The following DHRSX variants were observed in gnomAD, a reference collection of about 807,000 sequenced individuals.
DHRSX encodes dehydrogenase/reductase X-linked, also known as polyprenol dehydrogenase.
DHRSX carries 31 observed loss-of-function variants against 34.0 expected under a neutral mutation model. The observed-to-expected ratio is 0.91, with a 90% CI of 0.69 to 1.23. The LOEUF (loss-of-function observed/expected upper bound fraction) is 1.23. Ranked by LOEUF, DHRSX falls within the 50% of genes most tolerant of loss-of-function variation. The pLI is 0.00. For synonymous variants in DHRSX, 201 were observed against 183.8 expected, an observed-to-expected ratio of 1.09 and a Z score of -0.76; for missense variants, 414 against 428.1, an observed-to-expected ratio of 0.97 and a Z score of 0.29.
intron 3 of DHRSX, among the ~76,000 whole-genome samples, chrX:2,349,856 G>C (rs1251396253): frequency 6.7e-6 from 1 of 148,890 alleles, no homozygotes; most frequent in Non-Finnish European, 1.5e-5. Flanking sequence ...GGCTAACAGG[G>C]TGAAACCCCG....
At chrX:2,478,786 G>T in intron 1 of DHRSX, among the ~76,000 whole-genome samples, 1 of 151,592 alleles carries the variant, frequency 6.6e-6, no homozygotes, top group South Asian at 2.1e-4. Flanking sequence ...CACTGACGAC[G>T]TTCCCTTAGA....
At chrX:2,353,166 G>T (rs988822191) in intron 3 of DHRSX, among the ~76,000 whole-genome samples, 9 of 152,128 alleles carry the variant, frequency 5.9e-5, no homozygotes, top group Admixed American at 1.3e-4. Context: ...GATTGCTTGA[G>T]CCCGGAGGCA....
Position 2,408,768 on chromosome X carries a change from T to C in DHRSX, c.263A>G (p.Lys88Arg), listed in dbSNP as rs907192630. The change falls in exon 3 of 7, where the codon AAA becomes AGA. Residue 88 changes from lysine to arginine, a missense_variant. By Grantham distance (26) the Lys-to-Arg change is conservative. Transcript: ENST00000334651. ...ACCTTTGTCGTTCAAGGTTTCTTCT[T>C]TTATTTTGCTTACAACTTGTTTGGC... ...SKAKQVVSKI[K>R]EETLNDKVEF... 15 of 1,613,040 alleles carry C rather than the reference T, an allele frequency of 9.3e-6. No homozygotes were observed. Among genetic ancestry groups the C allele is most frequent in the Non-Finnish European group, 1.3e-5 (15 of 1,179,702 alleles).
intron 1 of DHRSX, among the ~76,000 whole-genome samples, chrX:2,431,975 G>T (rs1413957845): frequency 6.6e-6 from 1 of 152,046 alleles, no homozygotes; most frequent in Non-Finnish European, 1.5e-5. Context: ...GGTGGATCAC[G>T]AGGTCAGGAG....
At chrX:2,373,560 G>A (rs2043104840) in intron 3 of DHRSX, among the ~76,000 whole-genome samples, 1 of 152,090 alleles carries the variant, frequency 6.6e-6, no homozygotes, top group South Asian at 2.1e-4. Context: ...GGAAACCACG[G>A]CTGCTGCAAG....
intron 4 of DHRSX, among the ~76,000 whole-genome samples, chrX:2,286,740 T>C (rs1452584859): frequency 6.7e-6 from 1 of 150,232 alleles, no homozygotes; most frequent in Non-Finnish European, 1.5e-5. Flanking sequence ...TTCTCAACAG[T>C]GACCCCAGGG....
At chrX:2,372,239 A>G (rs2043081074) in intron 3 of DHRSX, among the ~76,000 whole-genome samples, 1 of 152,182 alleles carries the variant, frequency 6.6e-6, no homozygotes, top group Non-Finnish European at 1.5e-5. Context: ...TTTAATGGTG[A>G]ATCGGGTTGG....
rs1291645778 is a variant in DHRSX at position 2,221,014 on chromosome X, G to A, written c.*27C>T. On this transcript the variant is annotated 3_prime_UTR_variant, in exon 7 of 7. Coordinates refer to ENST00000334651, the MANE Select transcript of DHRSX (RefSeq NM_145177.3). ...ATTGGCAGGTGCAATGTGTTTCTTG[G>A]GGCAGCAGCTATCCTGAGACAGGAT... 2 of 1,608,408 alleles carry A rather than the reference G, an allele frequency of 1.2e-6. No homozygotes were observed. The highest frequency in any genetic ancestry group is 2.2e-5 in the South Asian group (2 of 90,286).
chrX:2,480,698 A>C (rs2044755569), intron 1 of DHRSX, among the ~76,000 whole-genome samples: 1 of 152,090 alleles, frequency 6.6e-6, no homozygotes, highest in African/African-American at 2.4e-5. Flanking sequence ...GTGCACCTGT[A>C]GTCCCAGCTA....
intron 3 of DHRSX, among the ~76,000 whole-genome samples, chrX:2,407,344 C>T (rs183772350): frequency 0.033 from 5,094 of 152,172 alleles, 120 homozygotes; most frequent in Non-Finnish European, 0.047. Context: ...TCAGCAGCCA[C>T]GGCTTTGACA....
chrX:2,471,586 C>T lies in DHRSX; in HGVS notation c.109+29231G>A, dbSNP rs761104627. ...TCTCAAAAAAAAAAAAAGACATTTACGTTGAGATTTCTACACTGTGAAAAA... is the reference window on the plus strand; with the variant it reads ...TCTCAAAAAAAAAAAAAGACATTTATGTTGAGATTTCTACACTGTGAAAAA... On this transcript the variant is annotated intron_variant, in intron 1 of 6. Coordinates refer to ENST00000334651, the MANE Select transcript of DHRSX (RefSeq NM_145177.3). Among the ~76,000 whole-genome samples, 455 of 150,722 alleles carry T rather than the reference C, an allele frequency of 3.0e-3. 9 individuals carry two copies. The highest frequency in any genetic ancestry group is 9.6e-3 in the African/African-American group (392 of 40,898).
chrX:2,274,585 CTTTTT>C (rs35716727), intron 4 of DHRSX, among the ~76,000 whole-genome samples: 2 of 129,138 alleles, frequency 1.5e-5, no homozygotes, highest in Admixed American at 8.0e-5. Flanking sequence ...CCCGGCTAAA[CTTTTT>C]TTTTTTTTTT....
intron 3 of DHRSX, among the ~76,000 whole-genome samples, chrX:2,307,511 C>A (rs1426292647): frequency 6.6e-6 from 1 of 152,048 alleles, no homozygotes; most frequent in Non-Finnish European, 1.5e-5. Flanking sequence ...CGCCTGTAAT[C>A]CCAGCACTTT....
At position 2,243,074 on chromosome X, in the gene DHRSX, C is replaced by A; in HGVS notation, c.753G>T (p.Val251=). The stretch of plus-strand genomic sequence containing the variant: ...TCTTCGCCAGACGGGTGGCCCAGAA[C>A]ACGTGCTTGTAGACGTCCGTGTTGA... The part of the protein sequence containing the change: ...GVVNTDVYKH[V]FWATRLAKKL... The change falls in exon 6 of 7, where the codon GTG becomes GTT. Residue 251 remains valine (V), a synonymous_variant. Coordinates refer to ENST00000334651, the MANE Select transcript of DHRSX (RefSeq NM_145177.3). The A allele has an allele frequency of 1.2e-6, 2 of 1,613,882 alleles. No homozygotes were observed. The highest frequency in any genetic ancestry group is 1.7e-6 in the Non-Finnish European group (2 of 1,179,836).
chrX:2,319,946 A>G (rs1414854723), intron 3 of DHRSX, among the ~76,000 whole-genome samples: 1 of 151,956 alleles, frequency 6.6e-6, no homozygotes, highest in Non-Finnish European at 1.5e-5. Context: ...CTCCTGCCTC[A>G]GCGTCATGAG....
chrX:2,222,058 C>T (rs1168551843), intron 6 of DHRSX, among the ~76,000 whole-genome samples: 1 of 152,184 alleles, frequency 6.6e-6, no homozygotes, highest in Non-Finnish European at 1.5e-5. Context: ...TGTGGGGACA[C>T]AGTAATGAGG....
chrX:2,419,374 A>G (rs2043742442), intron 2 of DHRSX, among the ~76,000 whole-genome samples: 1 of 152,176 alleles, frequency 6.6e-6, no homozygotes, highest in South Asian at 2.1e-4. Context: ...CTGTAGGACA[A>G]TAAGTTTCTA....
chrX:2,230,289 G>A, intron 6 of DHRSX, among the ~76,000 whole-genome samples: 1 of 152,324 alleles, frequency 6.6e-6, no homozygotes, highest in Non-Finnish European at 1.5e-5. Flanking sequence ...TGAGAGCTGT[G>A]GGTTGTGCTA....
chrX:2,372,875 G>A (rs1322576156), intron 3 of DHRSX, among the ~76,000 whole-genome samples: 2 of 152,124 alleles, frequency 1.3e-5, no homozygotes, highest in Admixed American at 6.5e-5. Flanking sequence ...GCCTCCCAAA[G>A]TGCTGGGATT....
Sources: gnomAD v4.1 joint callset for allele counts (sites outside exome capture counted in the v4.1 genomes callset) on GRCh38, gnomAD v4.1.1 for gene constraint, MANE v1.5 for transcripts, NCBI Gene and HGNC (gene_info 2026-07-23, HGNC 2026-07-21) for gene names.